The following RGS6 variants were observed in gnomAD, a reference collection of about 807,000 sequenced individuals.
RGS6 encodes the protein regulator of G-protein signaling 6.
In RGS6, 30 loss-of-function variants were observed where a neutral mutation model predicts 78.5. The ratio of observed to expected loss-of-function variants is 0.38; its 90% CI spans 0.29 to 0.52. RGS6 has a LOEUF of 0.52. RGS6 is among the 20% of genes least tolerant of loss of function. The pLI is 0.85. For synonymous variants in RGS6, 206 were observed against 206.0 expected (o/e 1.00, Z 0.00); for missense variants, 495 against 609.7 (o/e 0.81, Z 1.98).
chr14:72,187,220 G>A (rs1394116783), intron 2 of RGS6, among the ~76,000 whole-genome samples: 3 of 152,188 alleles, frequency 2.0e-5, no homozygotes, highest in Non-Finnish European at 4.4e-5. Context: ...AATGAGCACT[G>A]CCTTATAGGA....
chr14:72,162,242 G>C (rs774047723), intron 2 of RGS6, among the ~76,000 whole-genome samples: 6 of 152,144 alleles, frequency 3.9e-5, no homozygotes, highest in Non-Finnish European at 7.3e-5. Context: ...CTCACTGGAG[G>C]GAAAGGTTGG....
chr14:72,045,090 A>G (rs1028221176), intron 2 of RGS6, among the ~76,000 whole-genome samples: 2 of 152,108 alleles, frequency 1.3e-5, no homozygotes, highest in Admixed American at 6.6e-5. Flanking sequence ...ATGGCGTACT[A>G]TGGGACTTCC....
chr14:71,954,830 C>G (rs2092664164), intron 1 of RGS6, among the ~76,000 whole-genome samples: 1 of 152,146 alleles, frequency 6.6e-6, no homozygotes, highest in Admixed American at 6.5e-5. Context: ...CATTAGAATC[C>G]TTAACATTTT....
chr14:71,880,631 G>A, the RGS6 span, among the ~76,000 whole-genome samples: 1 of 152,230 alleles, frequency 6.6e-6, no homozygotes, highest in East Asian at 1.9e-4. Flanking sequence ...GTGATATTGA[G>A]ACTGTGAGTG....
chr14:72,387,146 A>T lies in RGS6; in HGVS notation c.184+34952A>T, dbSNP rs184318680. On this transcript the variant is annotated intron_variant, in intron 3 of 17. Transcript: ENST00000553525. Reference sequence around the variant, plus strand: ...TGTAATATACATATTAATACACATTATAAGATATATATAAATATCAATAAA... The same window carrying T: ...TGTAATATACATATTAATACACATTTTAAGATATATATAAATATCAATAAA... Among the ~76,000 whole-genome samples, 176 of 152,294 alleles carry T rather than the reference A, an allele frequency of 1.2e-3. 1 individual carries two copies. The highest frequency in any genetic ancestry group is 4.0e-3 in the African/African-American group (167 of 41,576).
intron 2 of RGS6, among the ~76,000 whole-genome samples, chr14:71,979,362 T>C (rs1243458235): frequency 3.4e-5 from 5 of 147,914 alleles, no homozygotes; most frequent in African/African-American, 1.2e-4. Flanking sequence ...TGTTAGGGTG[T>C]CAATTTTGGA....
At chr14:72,545,157 G>T (rs147417868) in intron 17 of RGS6, among the ~76,000 whole-genome samples, 1 of 152,248 alleles carries the variant, frequency 6.6e-6, no homozygotes, top group Non-Finnish European at 1.5e-5. Context: ...CTTTCCAAAG[G>T]GTTAGTTTTT....
At chr14:72,051,767 T>C (rs1045321567) in intron 2 of RGS6, among the ~76,000 whole-genome samples, 14 of 152,230 alleles carry the variant, frequency 9.2e-5, no homozygotes, top group African/African-American at 3.4e-4. Context: ...CCATAACTTT[T>C]AGTATGTGAG....
intron 2 of RGS6, among the ~76,000 whole-genome samples, chr14:72,219,273 GTAT>G (rs1211600496): frequency 1.3e-5 from 2 of 152,120 alleles, no homozygotes; most frequent in Non-Finnish European, 2.9e-5. Context: ...AGTGCCACAA[GTAT>G]TGGCTTTGGG....
At chr14:72,238,059 C>G (rs769353914) in intron 2 of RGS6, among the ~76,000 whole-genome samples, 1 of 152,044 alleles carries the variant, frequency 6.6e-6, no homozygotes, top group Admixed American at 6.6e-5. Flanking sequence ...GGGAGTGGCT[C>G]TCAGTGGAAA....
intron 2 of RGS6, among the ~76,000 whole-genome samples, chr14:72,157,668 G>A (rs563228441): frequency 6.6e-6 from 1 of 152,210 alleles, no homozygotes; most frequent in South Asian, 2.1e-4. Context: ...GGAGGTTTTC[G>A]GACAGGCGGG....
chr14:71,878,613 C>T, the RGS6 span, among the ~76,000 whole-genome samples: 4 of 152,182 alleles, frequency 2.6e-5, no homozygotes, highest in East Asian at 7.7e-4. Flanking sequence ...AAGGGAATTC[C>T]CTGACCCCTT....
intron 3 of RGS6, among the ~76,000 whole-genome samples, chr14:72,391,436 A>G (rs1177668473): frequency 2.0e-5 from 3 of 152,166 alleles, no homozygotes; most frequent in South Asian, 2.1e-4. Context: ...TGAGAGAGGC[A>G]AGGTACCTGT....
intron 2 of RGS6, among the ~76,000 whole-genome samples, chr14:71,982,366 C>T (rs926858419): frequency 6.6e-6 from 1 of 152,222 alleles, no homozygotes; most frequent in African/African-American, 2.4e-5. Context: ...ATATAGAAGA[C>T]ATCATTTACG....
chr14:72,569,016 C>T (rs888435357), downstream of RGS6, among the ~76,000 whole-genome samples: 1 of 152,078 alleles, frequency 6.6e-6, no homozygotes, highest in African/African-American at 2.4e-5. Flanking sequence ...GAGACAAGTC[C>T]CTGGATATCT....
chr14:72,408,205 C>T (rs1187575861), intron 3 of RGS6, among the ~76,000 whole-genome samples: 1 of 152,212 alleles, frequency 6.6e-6, no homozygotes, highest in Non-Finnish European at 1.5e-5. Context: ...GACTTGCACT[C>T]AGCAGTTTTA....
At chr14:72,053,364 C>T (rs1472669730) in intron 2 of RGS6, among the ~76,000 whole-genome samples, 15 of 151,740 alleles carry the variant, frequency 9.9e-5, no homozygotes, top group Admixed American at 5.9e-4. Context: ...GTGATCTGCC[C>T]GCCTCTGCCT....
intron 2 of RGS6, among the ~76,000 whole-genome samples, chr14:71,986,899 C>T (rs1289485565): frequency 2.0e-5 from 3 of 152,152 alleles, no homozygotes; most frequent in African/African-American, 4.8e-5. Flanking sequence ...CCCACCTCTA[C>T]TCTTGGCATC....
intron 2 of RGS6, among the ~76,000 whole-genome samples, chr14:71,971,382 G>A (rs1299910653): frequency 6.6e-6 from 1 of 152,182 alleles, no homozygotes; most frequent in Admixed American, 6.5e-5. Context: ...GGCCATATCC[G>A]TCTACTGAAG....
Sources: allele counts gnomAD v4.1 joint callset (sites outside exome capture counted in the v4.1 genomes callset), GRCh38; gene constraint gnomAD v4.1.1; transcripts MANE v1.5; gene names NCBI Gene and HGNC (gene_info 2026-07-23, HGNC 2026-07-21).